Variants in GABBR2 observed in about 807,000 individuals in gnomAD.
GABBR2 encodes G-protein coupled receptor 51.
A neutral mutation model predicts 105.6 loss-of-function variants in GABBR2; 23 were observed. The ratio of observed to expected loss-of-function variants is 0.22; its 90% CI spans 0.16 to 0.31. The LOEUF (loss-of-function observed/expected upper bound fraction) is 0.31, where lower values mean the gene tolerates loss of function less well. GABBR2 is among the 10% of genes least tolerant of loss of function. The pLI, the probability that GABBR2 is intolerant of heterozygous loss-of-function variation, is 1.00. For synonymous variants in GABBR2, 478 were observed against 499.7 expected (o/e 0.96, Z 0.58); for missense variants, 734 against 1,245.5 (o/e 0.59, Z 6.18).
Position 98,618,486 on chromosome 9 carries a change from A to ATCTCTCTC in GABBR2, c.322-40422_322-40415dup, listed in dbSNP as rs10611275. ...CAAAGGAAAAAAAAAGGTCTGCTGC[A>ATCTCTCTC]TCTCTCTCTCTCTCTCTCTCTCTCT... On this transcript the variant is annotated intron_variant, in intron 1 of 18. Transcript: ENST00000259455. 8.9e-3 allele frequency among the ~76,000 whole-genome samples: 1,294 copies of ATCTCTCTC among 145,122 alleles called. 10 individuals are homozygous for ATCTCTCTC. The highest frequency in any genetic ancestry group is 0.042 in the East Asian group (207 of 4,950).
chr9:98,676,421 A>G (rs182022712), intron 1 of GABBR2, among the ~76,000 whole-genome samples: 1 of 152,364 alleles, frequency 6.6e-6, no homozygotes, highest in East Asian at 1.9e-4. Context: ...GCACCAATAG[A>G]AAACTAATAT....
At chr9:98,334,394 C>T (rs1425519291) in intron 13 of GABBR2, among the ~76,000 whole-genome samples, 1 of 152,180 alleles carries the variant, frequency 6.6e-6, no homozygotes, top group Non-Finnish European at 1.5e-5. Flanking sequence ...TACCACAAGG[C>T]TTGGGCTGGG....
At chr9:98,390,779 C>T (rs1832165849) in intron 9 of GABBR2, among the ~76,000 whole-genome samples, 1 of 152,140 alleles carries the variant, frequency 6.6e-6, no homozygotes, top group African/African-American at 2.4e-5. Flanking sequence ...TCTATGGACA[C>T]TGAGAAAGAA....
chr9:98,601,368 T>G (rs566714252), intron 1 of GABBR2, among the ~76,000 whole-genome samples: 1 of 152,178 alleles, frequency 6.6e-6, no homozygotes, highest in Admixed American at 6.6e-5. Context: ...AAATTTGAAA[T>G]TAGCCGTGCA....
In GABBR2 at chr9:98,672,255, G is replaced by A. The variant is rs141198097; in HGVS notation, c.321+36162C>T. On this transcript the variant is annotated intron_variant, in intron 1 of 18. Transcript: ENST00000259455. ...CCTGGCGACCACCATTCCACTTCCCGTCTCTGTGAATGTGACTACTCAGGA... is the reference window on the plus strand; with the variant it reads ...CCTGGCGACCACCATTCCACTTCCCATCTCTGTGAATGTGACTACTCAGGA... Among the ~76,000 whole-genome samples the A allele has an allele frequency of 1.4e-4, 22 of 151,924 alleles. No homozygotes were observed. In the East Asian group the frequency reaches 4.1e-3, roughly 28 times the overall value.
chr9:98,574,196 C>A (rs1445284094), intron 2 of GABBR2, among the ~76,000 whole-genome samples: 1 of 152,244 alleles, frequency 6.6e-6, no homozygotes, highest in East Asian at 1.9e-4. Context: ...TATCCAGTCT[C>A]CAAGCTAGCA....
At chr9:98,337,700 T>G (rs1047430363) in intron 13 of GABBR2, among the ~76,000 whole-genome samples, 4 of 152,208 alleles carry the variant, frequency 2.6e-5, no homozygotes, top group African/African-American at 9.6e-5. Context: ...CAGCTGATTT[T>G]CAACATGGGT....
intron 4 of GABBR2, among the ~76,000 whole-genome samples, chr9:98,487,440 C>T (rs77658893): frequency 0.019 from 2,884 of 152,260 alleles, 57 homozygotes; most frequent in Non-Finnish European, 0.03. Flanking sequence ...GCAGTCCTCT[C>T]AAAGCCTACC....
At chr9:98,669,625 T>A (rs1335599023) in intron 1 of GABBR2, among the ~76,000 whole-genome samples, 1 of 152,236 alleles carries the variant, frequency 6.6e-6, no homozygotes, top group African/African-American at 2.4e-5. Flanking sequence ...TAAGTCATCC[T>A]ATTAGCTGTT....
At chr9:98,684,749 T>A (rs1353946263) in intron 1 of GABBR2, among the ~76,000 whole-genome samples, 1 of 152,208 alleles carries the variant, frequency 6.6e-6, no homozygotes, top group African/African-American at 2.4e-5. Context: ...GCAACATCTA[T>A]GGTAGAGACA....
Position 98,592,879 on chromosome 9 carries a change from T to C in GABBR2, c.322-14807A>G, listed in dbSNP as rs569456598. On this transcript the variant is annotated intron_variant, in intron 1 of 18. Coordinates refer to ENST00000259455, the MANE Select transcript of GABBR2 (RefSeq NM_005458.8). ...AAAAGGAGGTTGGGGCAGCCTCTGG[T>C]AGGCCCTGAGCCAGCCAGTGCCAGC... is the stretch of plus-strand genomic sequence containing the variant. Among the ~76,000 whole-genome samples, 11 of 152,328 alleles carry C rather than the reference T, an allele frequency of 7.2e-5. No homozygotes were observed. In the South Asian group the frequency reaches 2.3e-3, roughly 32 times the overall value.
At chr9:98,631,525 C>T (rs1353099047) in intron 1 of GABBR2, among the ~76,000 whole-genome samples, 1 of 152,190 alleles carries the variant, frequency 6.6e-6, no homozygotes. Flanking sequence ...AGCTTACATT[C>T]TGAAAGATTT....
chr9:98,373,845 G>A (rs1831826679), intron 11 of GABBR2, among the ~76,000 whole-genome samples: 1 of 144,110 alleles, frequency 6.9e-6, no homozygotes, highest in African/African-American at 2.6e-5. Context: ...AGTGTGCAAA[G>A]CATTCCTTTT....
intron 1 of GABBR2, among the ~76,000 whole-genome samples, chr9:98,693,352 C>T (rs375403265): frequency 5.9e-5 from 9 of 152,330 alleles, no homozygotes; most frequent in African/African-American, 2.2e-4. Flanking sequence ...ATGCCATTCC[C>T]GGGCCCCTCC....
intron 1 of GABBR2, among the ~76,000 whole-genome samples, chr9:98,592,002 T>G (rs1829153081): frequency 6.6e-6 from 1 of 152,188 alleles, no homozygotes; most frequent in Non-Finnish European, 1.5e-5. Context: ...GATTCCTCTC[T>G]CAAGCAAGGG....
At chr9:98,448,167 A>G (rs1007533833) in intron 7 of GABBR2, among the ~76,000 whole-genome samples, 6 of 152,030 alleles carry the variant, frequency 3.9e-5, no homozygotes, top group African/African-American at 1.4e-4. Flanking sequence ...GAGGAACTTA[A>G]TGGGTCACTC....
intron 7 of GABBR2, among the ~76,000 whole-genome samples, chr9:98,446,976 G>T (rs1826140728): frequency 6.6e-6 from 1 of 152,036 alleles, no homozygotes; most frequent in Non-Finnish European, 1.5e-5. Context: ...AATCTTGACT[G>T]GGTAGAGTTT....
At chr9:98,315,353 G>A (rs1404976849) in intron 13 of GABBR2, among the ~76,000 whole-genome samples, 1 of 152,174 alleles carries the variant, frequency 6.6e-6, no homozygotes, top group African/African-American at 2.4e-5. Flanking sequence ...CTGCAAAAAT[G>A]TTCTGGTCAC....
At chr9:98,419,866 G>C (rs139914141) in intron 7 of GABBR2, among the ~76,000 whole-genome samples, 92 of 152,266 alleles carry the variant, frequency 6.0e-4, no homozygotes, top group Middle Eastern at 6.8e-3. Context: ...TCCAATTCCC[G>C]AGTGAATTCA....
Sources: gnomAD v4.1 joint callset for allele counts (sites outside exome capture counted in the v4.1 genomes callset) on GRCh38, gnomAD v4.1.1 for gene constraint, MANE v1.5 for transcripts, NCBI Gene and HGNC (gene_info 2026-07-23, HGNC 2026-07-21) for gene names.